RASGRP2: variants seen among roughly 807,000 people sequenced by gnomAD.
The protein encoded by RASGRP2 is RAS guanyl releasing protein 2, also known as RAS guanyl-releasing protein 2.
RASGRP2 carries 44 observed loss-of-function variants against 71.0 expected under a neutral mutation model. That is an observed-to-expected ratio of 0.62 (90% CI 0.49 to 0.80). RASGRP2 has a LOEUF of 0.80. RASGRP2 is among the 30% of genes least tolerant of loss of function. The pLI, the probability that RASGRP2 is intolerant of heterozygous loss-of-function variation, is 0.00. For missense variants in RASGRP2, 663 were observed against 813.4 expected (o/e 0.82, Z 2.25); for synonymous variants, 350 against 330.7 (o/e 1.06, Z -0.63).
At chr11:64,737,098 T>C in intron 8 of RASGRP2, 64 bp from the exon 9 acceptor site, 1 of 1,593,276 alleles carries the variant, frequency 6.3e-7, no homozygotes, top group South Asian at 1.1e-5. Context: ...GCCCTGGAAA[T>C]GTAGGAGGGG....
At chr11:64,727,253 G>A (rs753238712) in intron 16 of RASGRP2, 43 bp downstream of exon 16, 2 of 1,549,370 alleles carry the variant, frequency 1.3e-6, no homozygotes, top group Non-Finnish European at 1.8e-6. Context: ...CTCCCCCCCA[G>A]CCCTCAGTGG....
chr11:64,729,935 G>T, intron 13 of RASGRP2, 118 bp downstream of exon 13: 1 of 1,537,580 alleles, frequency 6.5e-7, no homozygotes, highest in Non-Finnish European at 8.8e-7. Flanking sequence ...GAGGCAAATA[G>T]AATTACCAGG....
intron 5 of RASGRP2, chr11:64,740,563 A>G: frequency 1.5e-6 from 1 of 655,628 alleles, no homozygotes; most frequent in South Asian, 1.5e-5. Context: ...GGGAACGACA[A>G]ATTCTACCCC....
At position 64,727,096 on chromosome 11, in the gene RASGRP2, C is replaced by A; in HGVS notation, c.*42G>T. ...CTCCCTGCTCTGGTTGAAGTATTTT[C>A]TCCAAGGCAGGAATGAGTCCTTGAT... On this transcript the variant is annotated 3_prime_UTR_variant, in exon 17 of 17. Transcript: ENST00000394432. 5.0e-6 allele frequency: 2 copies of A among 403,692 alleles called. No homozygotes were observed. The highest frequency in any genetic ancestry group is 6.3e-5 in the East Asian group (1 of 15,984). 25.0% of individuals were successfully genotyped at this position (403,692 alleles called of 1,614,324 possible).
rs779362725 is a variant in RASGRP2, at chr11:64,735,728, A to G, written c.1174-64T>C. The G allele has an allele frequency of 3.0e-5, 47 of 1,562,728 alleles. No homozygotes were observed. Among genetic ancestry groups the G allele is most frequent in the Admixed American group, 1.5e-4 (8 of 51,924 alleles). On this transcript the variant is annotated intron_variant, in intron 10 of 16. Coordinates refer to ENST00000394432, the MANE Select transcript of RASGRP2 (RefSeq NM_001098671.2). The surrounding 1 kb of genome is among the most constrained non-coding windows in gnomAD (Gnocchi z 4.2). ...GGGGAAGCCCAGAGCCCCGGGGAAC[A>G]GAGAGGGGAATCCCTGGGAGAGGGA...
Position 64,735,888 on chromosome 11 carries a change from G to C in RASGRP2, c.1173+15C>G. ...GAGGGAAGGGCAGAGTGGAGAGGAG[G>C]GAGTACCCCCTCACCGAGGACTTGG... On this transcript the variant is annotated intron_variant, in intron 10 of 16. Transcript: ENST00000394432. The surrounding 1 kb of genome is among the most constrained non-coding windows in gnomAD (Gnocchi z 4.2). 6.2e-7 allele frequency: 1 copy of C among 1,611,548 alleles called. No homozygotes were observed. Among genetic ancestry groups the C allele is most frequent in the Non-Finnish European group, 8.5e-7 (1 of 1,178,358 alleles).
chr11:64,737,678 C>CAAAAAAAA (rs59836204), intron 8 of RASGRP2, among the ~76,000 whole-genome samples: 1 of 91,154 alleles, frequency 1.1e-5, no homozygotes, highest in Non-Finnish European at 2.4e-5. Context: ...GACTCCATCT[C>CAAAAAAAA]AAAAAAAAAA....
At position 64,743,185 on chromosome 11, in the gene RASGRP2, G is replaced by T. The variant is rs768327662; in HGVS notation, c.-71-248C>A. 148 of 573,986 alleles carry T rather than the reference G, an allele frequency of 2.6e-4. No homozygotes were observed. Among genetic ancestry groups the T allele is most frequent in the Non-Finnish European group, 4.5e-4 (137 of 303,176 alleles). 35.6% of individuals were successfully genotyped at this position (573,986 alleles called of 1,614,324 possible). On this transcript the variant is annotated intron_variant, in intron 1 of 16. Coordinates refer to ENST00000394432, the MANE Select transcript of RASGRP2 (RefSeq NM_001098671.2). The surrounding 1 kb of genome is among the most constrained non-coding windows in gnomAD (Gnocchi z 4.9). ...AGGCCGAGGGGCTTCACGAGGATGG[G>T]GACGAACCAAGATCCCAGGACTGGC...
chr11:64,736,725 C>A, intron 9 of RASGRP2, 28 bp downstream of exon 9: 1 of 1,557,418 alleles, frequency 6.4e-7, no homozygotes, highest in Non-Finnish European at 8.7e-7. Context: ...GTGCCCAGCT[C>A]CCCACCTCCC....
chr11:64,729,257 A>G (rs2057679091), intron 14 of RASGRP2, among the ~76,000 whole-genome samples: 1 of 152,022 alleles, frequency 6.6e-6, no homozygotes, highest in Non-Finnish European at 1.5e-5. Flanking sequence ...TCATCAAAAT[A>G]AATGGCCTCT....
rs2058171368 is a variant in RASGRP2 at position 64,742,714 on chromosome 11, G to A, written c.73+80C>T. 1.3e-6 allele frequency: 2 copies of A among 1,541,290 alleles called. No individual in the cohort carries two copies. Among genetic ancestry groups the A allele is most frequent in the Non-Finnish European group, 1.8e-6 (2 of 1,138,972 alleles). ...TGGGTCCGGGTCAGGGCTGTGCCCT[G>A]GACTGTGCCTGGGAGGCAGGGACCC... On this transcript the variant is annotated intron_variant, in intron 2 of 16. Transcript: ENST00000394432. The surrounding 1 kb of genome is among the most constrained non-coding windows in gnomAD (Gnocchi z 4.7).
chr11:64,729,813 G>T lies in RASGRP2; in HGVS notation c.1555-15C>A. On this transcript the variant is annotated splice_polypyrimidine_tract_variant and intron_variant, in intron 13 of 16. Coordinates refer to ENST00000394432, the MANE Select transcript of RASGRP2 (RefSeq NM_001098671.2). ...ATGCCCAGGATCTGCAATAGAGGAG[G>T]GGCCGTGGTGGGAGGAGGGATTTAG... 6.2e-7 allele frequency: 1 copy of T among 1,614,058 alleles called. No individual in the cohort carries two copies. Among genetic ancestry groups the T allele is most frequent in the Non-Finnish European group, 8.5e-7 (1 of 1,179,866 alleles).
rs2058199801 is a variant in RASGRP2, at chr11:64,743,256, C to T, written c.-71-319G>A. The T allele has an allele frequency of 2.1e-6, 1 of 486,724 alleles. No individual in the cohort carries two copies. 30.2% of individuals were successfully genotyped at this position (486,724 alleles called of 1,614,324 possible). A position where few individuals can be genotyped will look rare whatever the true frequency, so the allele number is the denominator to read the frequency against. ...GGCGCCTTCTCCTCGCGCCCTCTCC[C>T]CAGAGGCACCTGCAGCACCCCGCAG... On this transcript the variant is annotated intron_variant, in intron 1 of 16. Transcript: ENST00000394432. The surrounding 1 kb of genome is among the most constrained non-coding windows in gnomAD (Gnocchi z 4.9).
chr11:64,737,940 G>A (rs767949698), intron 8 of RASGRP2, among the ~76,000 whole-genome samples: 1 of 151,882 alleles, frequency 6.6e-6, no homozygotes, highest in Non-Finnish European at 1.5e-5. Context: ...CAGCTACTCA[G>A]GAGGCTGAGG....
Position 64,728,870 on chromosome 11 carries a change from C to A in RASGRP2, c.1764G>T (p.Arg588Ser). Residue 588 changes from arginine (R) to serine (S), a missense_variant, in exon 15 of 17, where the codon AGG (arginine) becomes AGT (serine). Physicochemically the swap from Arg to Ser is moderately radical, Grantham distance 110. Transcript: ENST00000394432. ...AGAATGACTCCCTCTTACCTGGAGG[C>A]CTGGAGCCTCGCCTGCCAGGGCGGG... ...SLPRPGRRGS[R>S]PPEIREEEVQ... The A allele has an allele frequency of 6.2e-7, 1 of 1,610,156 alleles. No individual in the cohort carries two copies.
chr11:64,729,185 T>C, intron 14 of RASGRP2, 143 bp from the exon 15 acceptor site: 1 of 830,692 alleles, frequency 1.2e-6, no homozygotes, highest in Non-Finnish European at 2.0e-6. Flanking sequence ...TCCAAAGTGT[T>C]CTCCTCCTCC....
chr11:64,744,712 C>G (rs1445289076), upstream of RASGRP2: 1 of 151,470 alleles, frequency 6.6e-6, no homozygotes, highest in African/African-American at 2.4e-5. Flanking sequence ...CCTCCTTCGC[C>G]TGGCGCCCCG....
Position 64,739,164 on chromosome 11 carries a change from C to G in RASGRP2, c.813+196G>C, listed in dbSNP as rs994078186. Among the ~76,000 whole-genome samples, 2 of 151,514 alleles carry G rather than the reference C, an allele frequency of 1.3e-5. No homozygotes were observed. Among genetic ancestry groups the G allele is most frequent in the Non-Finnish European group, 2.9e-5 (2 of 67,918 alleles). ...TTAAAAAAAAAAAAAAAAGTACTAG[C>G]TTTGGGGTCCCTGACGACCTGTGAG... is the stretch of plus-strand genomic sequence containing the variant. On this transcript the variant is annotated intron_variant, in intron 8 of 16. Coordinates refer to ENST00000394432, the MANE Select transcript of RASGRP2 (RefSeq NM_001098671.2). The surrounding 1 kb of genome is among the most constrained non-coding windows in gnomAD (Gnocchi z 4.2).
Position 64,743,007 on chromosome 11 carries a change from G to C in RASGRP2, c.-71-70C>G. ...GGGGAGCGGCCCCGCGGGCAGAAAC[G>C]GGGCGGGGCGGGCACGCCCCCTGCT... On this transcript the variant is annotated intron_variant, in intron 1 of 16. Transcript: ENST00000394432. The surrounding 1 kb of genome is among the most constrained non-coding windows in gnomAD (Gnocchi z 4.9). The C allele has an allele frequency of 6.8e-7, 1 of 1,461,866 alleles. No homozygotes were observed. The highest frequency in any genetic ancestry group is 9.2e-7 in the Non-Finnish European group (1 of 1,091,816). The allele number at this position is 1,461,866 out of a possible 1,614,324, so 90.6% of individuals were successfully genotyped here.
Sources: gnomAD v4.1 joint callset for allele counts (sites outside exome capture counted in the v4.1 genomes callset) on GRCh38, gnomAD v4.1.1 for gene constraint, Gnocchi (gnomAD v3.1) non-coding constraint, MANE v1.5 for transcripts, NCBI Gene and HGNC (gene_info 2026-07-23, HGNC 2026-07-21) for gene names.